Variants in MACROD2 observed in about 807,000 individuals in gnomAD.
The protein encoded by MACROD2 is mono-ADP ribosylhydrolase 2, also known as ADP-ribose glycohydrolase MACROD2.
A neutral mutation model predicts 70.4 loss-of-function variants in MACROD2; 36 were observed. The ratio of observed to expected loss-of-function variants is 0.51; its 90% CI spans 0.39 to 0.68. MACROD2 has a LOEUF of 0.68. MACROD2 is among the 30% of genes least tolerant of loss of function. The pLI, the probability that MACROD2 is intolerant of heterozygous loss-of-function variation, is 0.00. For synonymous variants in MACROD2, 172 were observed against 178.8 expected (o/e 0.96, Z 0.30); for missense variants, 496 against 538.4 (o/e 0.92, Z 0.78).
At chr20:14,146,952 T>C (rs2054950399) in intron 3 of MACROD2, among the ~76,000 whole-genome samples, 1 of 152,156 alleles carries the variant, frequency 6.6e-6, no homozygotes, top group African/African-American at 2.4e-5. Context: ...AGGGCTTTTG[T>C]ATGTATATAG....
chr20:15,127,148 CTT>C (rs1423274739), intron 5 of MACROD2, among the ~76,000 whole-genome samples: 1 of 152,020 alleles, frequency 6.6e-6, no homozygotes, highest in Non-Finnish European at 1.5e-5. Flanking sequence ...AAGCAGAAAA[CTT>C]TTCTGATTTG....
chr20:14,045,870 T>C (rs904742410), intron 2 of MACROD2, among the ~76,000 whole-genome samples: 1 of 152,192 alleles, frequency 6.6e-6, no homozygotes, highest in African/African-American at 2.4e-5. Context: ...ATTAAAGATA[T>C]AATAATGACC....
chr20:15,362,127 T>C (rs1026263050), intron 6 of MACROD2, among the ~76,000 whole-genome samples: 2 of 151,870 alleles, frequency 1.3e-5, no homozygotes, highest in African/African-American at 4.8e-5. Flanking sequence ...TTCTTATGCC[T>C]CAGCCTTCCG....
chr20:15,920,895 A>C (rs936255546), intron 10 of MACROD2, among the ~76,000 whole-genome samples: 1 of 152,146 alleles, frequency 6.6e-6, no homozygotes. Context: ...ACCATTCCTC[A>C]TTCTTCGCAC....
chr20:14,125,967 C>T (rs2054643796), intron 3 of MACROD2, among the ~76,000 whole-genome samples: 1 of 152,148 alleles, frequency 6.6e-6, no homozygotes, highest in African/African-American at 2.4e-5. Context: ...ATAATACTCT[C>T]TTAGCTTCAT....
chr20:16,035,562 A>G (rs1005415885), intron 15 of MACROD2, among the ~76,000 whole-genome samples: 2 of 152,070 alleles, frequency 1.3e-5, no homozygotes, highest in Non-Finnish European at 2.9e-5. Flanking sequence ...ATGAAGCTCA[A>G]GATTTCATAG....
At chr20:14,873,381 T>C (rs931798172) in intron 5 of MACROD2, among the ~76,000 whole-genome samples, 1 of 152,110 alleles carries the variant, frequency 6.6e-6, no homozygotes, top group African/African-American at 2.4e-5. Flanking sequence ...TAGGTTTACA[T>C]GTGTTTTAAG....
At chr20:15,591,979 T>C (rs989546548) in intron 8 of MACROD2, among the ~76,000 whole-genome samples, 1 of 152,222 alleles carries the variant, frequency 6.6e-6, no homozygotes, top group African/African-American at 2.4e-5. Flanking sequence ...GTCAATTGAT[T>C]ATCAATTGTC....
At chr20:14,117,164 C>T (rs949703896) in intron 3 of MACROD2, among the ~76,000 whole-genome samples, 1 of 151,992 alleles carries the variant, frequency 6.6e-6, no homozygotes, top group Non-Finnish European at 1.5e-5. Flanking sequence ...ATTTCCCTAT[C>T]GCTTTATCTT....
intron 3 of MACROD2, among the ~76,000 whole-genome samples, chr20:14,257,674 ATTTATT>A (rs1438122742): frequency 1.3e-5 from 2 of 152,180 alleles, no homozygotes; most frequent in African/African-American, 4.8e-5. Flanking sequence ...AACTTTTAAA[ATTTATT>A]TTTATATGAA....
chr20:15,777,614 TCTCC>T (rs1179204094), intron 8 of MACROD2, among the ~76,000 whole-genome samples: 2 of 117,024 alleles, frequency 1.7e-5, no homozygotes, highest in East Asian at 6.0e-4. Context: ...TCCCTCCCTC[TCTCC>T]CTCCCTCCCT....
intron 7 of MACROD2, among the ~76,000 whole-genome samples, chr20:15,461,006 A>ATATATATATATATTTTTTTTTTTTTT: frequency 1.5e-5 from 1 of 66,990 alleles, no homozygotes; most frequent in African/African-American, 4.2e-5. Flanking sequence ...ATATATATAT[A>ATATATATATATATTTTTTTTTTTTTT]TTTTTTTTTA....
At chr20:15,178,843 A>C (rs931986582) in intron 5 of MACROD2, among the ~76,000 whole-genome samples, 1 of 152,230 alleles carries the variant, frequency 6.6e-6, no homozygotes, top group African/African-American at 2.4e-5. Context: ...CTGGGTAAGC[A>C]TGCTTTTCCA....
At chr20:14,122,627 G>A (rs977988984) in intron 3 of MACROD2, among the ~76,000 whole-genome samples, 1 of 149,812 alleles carries the variant, frequency 6.7e-6, no homozygotes, top group African/African-American at 2.5e-5. Flanking sequence ...TCCTTCTCAA[G>A]GGGGTGTCAG....
chr20:15,624,383 T>C (rs1483631918), intron 8 of MACROD2, among the ~76,000 whole-genome samples: 2 of 152,146 alleles, frequency 1.3e-5, no homozygotes, highest in Non-Finnish European at 2.9e-5. Context: ...CCAGAAATAA[T>C]ACTTTGCATC....
intron 17 of MACROD2, among the ~76,000 whole-genome samples, chr20:16,046,675 CTTTTTTTTTT>C (rs557907668): frequency 6.3e-4 from 54 of 85,506 alleles, no homozygotes; most frequent in South Asian, 3.1e-3. Flanking sequence ...GGTGTCAAAA[CTTTTTTTTTT>C]TTTTTTTTTT....
chr20:14,027,026 C>G (rs142311573), intron 2 of MACROD2, among the ~76,000 whole-genome samples: 1 of 152,140 alleles, frequency 6.6e-6, no homozygotes, highest in Admixed American at 6.5e-5. Context: ...CAGCAGGGGT[C>G]GACAGACACC....
At chr20:15,785,621 G>T (rs1056872142) in intron 8 of MACROD2, among the ~76,000 whole-genome samples, 1 of 152,108 alleles carries the variant, frequency 6.6e-6, no homozygotes, top group Non-Finnish European at 1.5e-5. Context: ...TCTCTGAGGT[G>T]AAGGGGTGTC....
At chr20:14,931,299 C>T (rs1456772728) in intron 5 of MACROD2, among the ~76,000 whole-genome samples, 1 of 152,154 alleles carries the variant, frequency 6.6e-6, no homozygotes. Flanking sequence ...AGGAAAACCA[C>T]TACCATTTGT....
Sources: gnomAD v4.1 joint callset for allele counts (sites outside exome capture counted in the v4.1 genomes callset) on GRCh38, gnomAD v4.1.1 for gene constraint, MANE v1.5 for transcripts, NCBI Gene and HGNC (gene_info 2026-07-23, HGNC 2026-07-21) for gene names.